Variants in CAMK1D observed in about 807,000 individuals in gnomAD.
The protein encoded by CAMK1D is calcium/calmodulin-dependent protein kinase type 1D.
A neutral mutation model predicts 47.7 loss-of-function variants in CAMK1D; 9 were observed. The ratio of observed to expected loss-of-function variants is 0.19; its 90% confidence interval spans 0.11 to 0.33. The LOEUF is 0.33. CAMK1D is among the 10% of genes least tolerant of loss of function. The pLI, the probability that CAMK1D is intolerant of heterozygous loss-of-function variation, is 1.00. For missense variants in CAMK1D, 291 were observed against 488.7 expected (o/e 0.60, Z 3.81); for synonymous variants, 184 against 184.9 (o/e 0.99, Z 0.04).
intron 1 of CAMK1D, among the ~76,000 whole-genome samples, chr10:12,384,993 C>A (rs1484887303): frequency 6.6e-6 from 1 of 152,122 alleles, no homozygotes; most frequent in Non-Finnish European, 1.5e-5. Context: ...AAAGAAGGTA[C>A]ATGAAAAGAT....
At chr10:12,620,214 A>AAAAAT in intron 2 of CAMK1D, among the ~76,000 whole-genome samples, 1 of 136,052 alleles carries the variant, frequency 7.4e-6, no homozygotes, top group East Asian at 2.3e-4. Flanking sequence ...AAAAAAAAAA[A>AAAAAT]AAAATAAAGC....
chr10:12,774,884 C>T (rs1365728728), intron 5 of CAMK1D, among the ~76,000 whole-genome samples: 3 of 152,274 alleles, frequency 2.0e-5, no homozygotes, highest in African/African-American at 7.2e-5. Context: ...TCCCCAATAC[C>T]GTATCCTTGA....
At position 12,418,144 on chromosome 10, in the gene CAMK1D, G is replaced by A. The variant is rs546802127; in HGVS notation, c.92+68234G>A. ...AGCCCTCGCCCTGCCAGATGATGCA[G>A]TAAGCAAGAATGAATATGGATCCCC... On this transcript the variant is annotated intron_variant, in intron 1 of 10. Transcript: ENST00000619168. 2.0e-5 allele frequency among the ~76,000 whole-genome samples: 3 copies of A among 152,360 alleles called. No individual in the cohort carries two copies. The South Asian group carries it at 6.2e-4, about 32-fold the overall frequency.
intron 2 of CAMK1D, among the ~76,000 whole-genome samples, chr10:12,651,130 C>T (rs1044037727): frequency 5.9e-5 from 9 of 152,150 alleles, no homozygotes; most frequent in African/African-American, 1.7e-4. Flanking sequence ...CTGTTTTCAG[C>T]GTCCTCCCCC....
intron 2 of CAMK1D, among the ~76,000 whole-genome samples, chr10:12,638,285 A>G (rs982105235): frequency 2.0e-5 from 3 of 152,038 alleles, no homozygotes; most frequent in African/African-American, 7.2e-5. Context: ...CGTGGTCTGG[A>G]TAAAGTCCAT....
At chr10:12,392,936 A>G (rs1838792050) in intron 1 of CAMK1D, among the ~76,000 whole-genome samples, 1 of 146,662 alleles carries the variant, frequency 6.8e-6, no homozygotes, top group Non-Finnish European at 1.5e-5. Context: ...GTATACACAC[A>G]CACAACACAC....
chr10:12,381,603 G>C (rs1018745221), intron 1 of CAMK1D, among the ~76,000 whole-genome samples: 1 of 152,184 alleles, frequency 6.6e-6, no homozygotes, highest in Non-Finnish European at 1.5e-5. Flanking sequence ...TGGGATTACA[G>C]GTTTGAGCCA....
intron 1 of CAMK1D, among the ~76,000 whole-genome samples, chr10:12,443,190 C>T (rs943023593): frequency 6.6e-6 from 1 of 151,816 alleles, no homozygotes; most frequent in South Asian, 2.1e-4. Flanking sequence ...GGAGGAAAGA[C>T]GTTTATGTGC....
At chr10:12,561,223 C>A (rs185030490) in intron 2 of CAMK1D, among the ~76,000 whole-genome samples, 1 of 151,994 alleles carries the variant, frequency 6.6e-6, no homozygotes, top group Non-Finnish European at 1.5e-5. Flanking sequence ...CCATGCAATC[C>A]CCATAAAACA....
At chr10:12,547,639 A>AGC (rs1836424338) in intron 1 of CAMK1D, among the ~76,000 whole-genome samples, 2 of 109,252 alleles carry the variant, frequency 1.8e-5, no homozygotes. Context: ...TCACGAGGAC[A>AGC]CCCCCCCCCC....
intron 1 of CAMK1D, among the ~76,000 whole-genome samples, chr10:12,530,273 C>T (rs1255571442): frequency 6.6e-6 from 1 of 152,148 alleles, no homozygotes; most frequent in Non-Finnish European, 1.5e-5. Flanking sequence ...GAGTGGGGGG[C>T]CCTAGGCAGG....
chr10:12,371,445 G>A (rs1431126016), intron 1 of CAMK1D, among the ~76,000 whole-genome samples: 3 of 151,336 alleles, frequency 2.0e-5, no homozygotes, highest in Non-Finnish European at 4.4e-5. Context: ...GCTTAGTGGC[G>A]GGCGCCTGTA....
intron 5 of CAMK1D, among the ~76,000 whole-genome samples, chr10:12,778,756 C>A (rs1837371849): frequency 6.6e-6 from 1 of 152,062 alleles, no homozygotes; most frequent in Non-Finnish European, 1.5e-5. Context: ...ACCTGTAGTC[C>A]CAGCTATTCA....
At chr10:12,354,904 C>T (rs573365430) in intron 1 of CAMK1D, among the ~76,000 whole-genome samples, 12 of 146,680 alleles carry the variant, frequency 8.2e-5, no homozygotes, top group African/African-American at 2.8e-4. Flanking sequence ...TGCGGTGGTG[C>T]GATCATAGCT....
intron 1 of CAMK1D, among the ~76,000 whole-genome samples, chr10:12,523,472 T>C (rs974070367): frequency 6.6e-6 from 1 of 152,184 alleles, no homozygotes; most frequent in South Asian, 2.1e-4. Flanking sequence ...ACTGAGTGAA[T>C]GAGACTCCGT....
At chr10:12,801,403 T>TATCTATCC (rs1838470355) in intron 6 of CAMK1D, among the ~76,000 whole-genome samples, 2 of 147,574 alleles carry the variant, frequency 1.4e-5, no homozygotes, top group African/African-American at 2.5e-5. Context: ...TCCATCCATC[T>TATCTATCC]GTCCATCTCA....
At chr10:12,516,084 T>G (rs1835203153) in intron 1 of CAMK1D, among the ~76,000 whole-genome samples, 1 of 152,236 alleles carries the variant, frequency 6.6e-6, no homozygotes, top group South Asian at 2.1e-4. Flanking sequence ...CCATTCTCAG[T>G]TGAAGGGCTT....
chr10:12,360,682 G>T (rs1837632012), intron 1 of CAMK1D, among the ~76,000 whole-genome samples: 1 of 152,148 alleles, frequency 6.6e-6, no homozygotes, highest in Admixed American at 6.6e-5. Flanking sequence ...TTCGTCCCGG[G>T]AGGCTCAAAT....
At chr10:12,403,854 G>C (rs1839317703) in intron 1 of CAMK1D, among the ~76,000 whole-genome samples, 1 of 151,654 alleles carries the variant, frequency 6.6e-6, no homozygotes, top group Non-Finnish European at 1.5e-5. Context: ...GGTTGTTTTG[G>C]CCCTGATGTT....
Sources: allele counts gnomAD v4.1 joint callset (sites outside exome capture counted in the v4.1 genomes callset), GRCh38; gene constraint gnomAD v4.1.1; transcripts MANE v1.5; gene names NCBI Gene and HGNC (gene_info 2026-07-23, HGNC 2026-07-21).